The following MUC5AC variants were observed in gnomAD, a reference collection of about 807,000 sequenced individuals.
MUC5AC encodes mucin-5AC.
Under a neutral mutation model 169.7 loss-of-function variants are expected in MUC5AC, and 158 were observed. The observed-to-expected ratio is 0.93, with a 90% CI of 0.82 to 1.06. The LOEUF (loss-of-function observed/expected upper bound fraction) is 1.06. Ranked by LOEUF, MUC5AC falls within the 50% of genes least tolerant of loss-of-function variation. The probability of loss-of-function intolerance (pLI) is 0.00; values close to 1 mark genes in which losing one functional copy is unlikely to be tolerated. For missense variants in MUC5AC, 4,359 were observed against 3,089.9 expected (o/e 1.41, Z -9.74); for synonymous variants, 1,975 against 1,237.0 (o/e 1.60, Z -12.52).
At chr11:1,180,738 C>T (rs1860798202) in intron 28 of MUC5AC, among the ~76,000 whole-genome samples, 1 of 151,914 alleles carries the variant, frequency 6.6e-6, no homozygotes. Context: ...TGTAGGGCTC[C>T]TCTGGGCAGA....
Position 1,196,431 on chromosome 11 carries a change from G to T in MUC5AC, c.15681G>T (p.Pro5227=), listed in dbSNP as rs201555660. The change falls in exon 38 of 49, where the codon CCG becomes CCT. Residue 5227 remains proline, a synonymous_variant. Transcript: ENST00000621226. ...PADKVYQPCG[P]SNPSYCYGND... ...ACAAGGTGTACCAGCCCTGCGGCCC[G>T]AGCAACCCCTCCTACTGCTACGGGA... The T allele has an allele frequency of 1.3e-6, 1 of 765,012 alleles. No homozygotes were observed. Among genetic ancestry groups the T allele is most frequent in the Non-Finnish European group, 2.4e-6 (1 of 417,818 alleles). The allele number at this position is 765,012 out of a possible 1,614,324, so 47.4% of individuals were successfully genotyped here.
chr11:1,177,865 G>A lies in MUC5AC; in HGVS notation c.3087+232G>A, dbSNP rs954682277. Among the ~76,000 whole-genome samples the A allele has an allele frequency of 3.3e-5, 5 of 152,312 alleles. No individual in the cohort carries two copies. The South Asian group carries it at 1.0e-3, about 32-fold the overall frequency. On this transcript the variant is annotated intron_variant, in intron 24 of 48. Transcript: ENST00000621226. ...CAAAGGCCCGCACCCTGGCGGATTT[G>A]CCCGCAGCCTGGACACTGGAAGTCC... is the stretch of plus-strand genomic sequence containing the variant.
In MUC5AC at chr11:1,192,408, A is replaced by G. The variant is rs546617540; in HGVS notation, c.14263A>G (p.Met4755Val). The change falls in exon 31 of 49, where the codon ATG becomes GTG. Residue 4755 changes from methionine (M) to valine (V), a missense_variant. Met to Val is a conservative substitution (Grantham distance 21, BLOSUM62 1). Transcript: ENST00000621226. ...NALYPSLSTSMVSASVASTSV... is the reference protein window; with the variant it reads ...NALYPSLSTSVVSASVASTSV... Reference sequence around the variant, plus strand: ...TCTGTATCCTTCCCTGTCTACTTCCATGGTATCCGCCTCCGTGGCATCCAC... The same window carrying G: ...TCTGTATCCTTCCCTGTCTACTTCCGTGGTATCCGCCTCCGTGGCATCCAC... The G allele has an allele frequency of 5.1e-5, 39 of 764,910 alleles. 1 individual carries two copies. Among genetic ancestry groups the G allele is most frequent in the South Asian group, 1.6e-4 (12 of 74,628 alleles). 47.4% of individuals were successfully genotyped at this position (764,910 alleles called of 1,614,324 possible).
chr11:1,164,955 G>C (rs796774894), intron 9 of MUC5AC, among the ~76,000 whole-genome samples: 202 of 79,958 alleles, frequency 2.5e-3, no homozygotes, highest in African/African-American at 7.3e-3. Context: ...TGATGCCCCT[G>C]TCCCGGGCCC....
intron 40 of MUC5AC, among the ~76,000 whole-genome samples, chr11:1,197,143 C>T (rs1203790767): frequency 6.6e-6 from 1 of 152,184 alleles, no homozygotes; most frequent in African/African-American, 2.4e-5. Context: ...GGCGTCTGTC[C>T]TGGTGTTGCT....
intron 16 of MUC5AC, among the ~76,000 whole-genome samples, chr11:1,173,214 T>C (rs1860590891): frequency 6.6e-6 from 1 of 151,586 alleles, no homozygotes; most frequent in Non-Finnish European, 1.5e-5. Context: ...ATTTACTCAC[T>C]CATTCACGAA....
At chr11:1,162,709 C>T in intron 5 of MUC5AC, 63 bp downstream of exon 5, 1 of 1,482,240 alleles carries the variant, frequency 6.7e-7, no homozygotes, top group South Asian at 1.1e-5. Context: ...CCTGCTCCCA[C>T]AGCCTCTCCG....
rs542035868 is a variant in MUC5AC at position 1,158,180 on chromosome 11, T to G, written c.73+108T>G. The G allele has an allele frequency of 4.7e-5, 47 of 994,098 alleles. No homozygotes were observed. In the African/African-American group the frequency reaches 5.1e-4, roughly 11 times the overall value. 61.6% of individuals were successfully genotyped at this position (994,098 alleles called of 1,614,324 possible). ...GGTTCCGGGCAGGCTGCATGTGCCATGAACGGCTCCCAGCAGCATAGCCCC... is the reference window on the plus strand; with the variant it reads ...GGTTCCGGGCAGGCTGCATGTGCCAGGAACGGCTCCCAGCAGCATAGCCCC... On this transcript the variant is annotated intron_variant, in intron 1 of 48. Coordinates refer to ENST00000621226, the MANE Select transcript of MUC5AC (RefSeq NM_001304359.2).
In MUC5AC at chr11:1,188,246, C is replaced by A; in HGVS notation, c.10101C>A (p.Thr3367=). The A allele has an allele frequency of 1.5e-6, 1 of 666,234 alleles. No individual in the cohort carries two copies. Among genetic ancestry groups the A allele is most frequent in the Non-Finnish European group, 2.7e-6 (1 of 363,664 alleles). 41.3% of individuals were successfully genotyped at this position (666,234 alleles called of 1,614,324 possible). A position where few individuals can be genotyped will look rare whatever the true frequency, so the allele number is the denominator to read the frequency against. The change falls in exon 31 of 49, where the codon ACC becomes ACA. Residue 3367 remains threonine, a synonymous_variant. Transcript: ENST00000621226. ...CCACTTTGGTGACAACCAGCACAACCTCCACTCCACAGACCAGCACAACCT... is the reference window on the plus strand; with the variant it reads ...CCACTTTGGTGACAACCAGCACAACATCCACTCCACAGACCAGCACAACCT... ...RTTTLVTTST[T]STPQTSTTSA...
chr11:1,163,020 C>A lies in MUC5AC; in HGVS notation c.654C>A (p.Pro218=), dbSNP rs760195607. ...CGLCGDFNGM[P]VVSELLSHNT... is the part of the protein sequence containing the mutation. ...TCTGTGGGGACTTCAACGGGATGCCCGTGGTCAGCGAGCTCCTCTCCCACA... is the reference window on the plus strand; with the variant it reads ...TCTGTGGGGACTTCAACGGGATGCCAGTGGTCAGCGAGCTCCTCTCCCACA... The change falls in exon 6 of 49, where the codon CCC becomes CCA. Residue 218 remains proline (P), a synonymous_variant. Coordinates refer to ENST00000621226, the MANE Select transcript of MUC5AC (RefSeq NM_001304359.2). 1.2e-6 allele frequency: 2 copies of A among 1,612,540 alleles called. No homozygotes were observed. The highest frequency in any genetic ancestry group is 2.7e-5 in the African/African-American group (2 of 74,918).
rs762779205 is a variant in MUC5AC at position 1,162,588 on chromosome 11, C to T, written c.530C>T (p.Thr177Ile). ...GVLIQQSSSY[T>I]KVEARLGLVL... ...CTCATTCAGCAGAGCAGCAGCTACA[C>T]CAAGGTGGAGGCCAGGCTGGGCCTT... Residue 177 changes from threonine to isoleucine, a missense_variant, in exon 5 of 49, where the codon ACC becomes ATC. Thr to Ile is a moderately conservative substitution (Grantham distance 89). Coordinates refer to ENST00000621226, the MANE Select transcript of MUC5AC (RefSeq NM_001304359.2). The T allele has an allele frequency of 6.2e-7, 1 of 1,612,780 alleles. No individual in the cohort carries two copies. Among genetic ancestry groups the T allele is most frequent in the South Asian group, 1.1e-5 (1 of 91,076 alleles).
chr11:1,179,256 C>A lies in MUC5AC; in HGVS notation c.3484+8C>A. 1.8e-6 allele frequency: 1 copy of A among 554,082 alleles called. No individual in the cohort carries two copies. Among genetic ancestry groups the A allele is most frequent in the Non-Finnish European group, 3.3e-6 (1 of 305,228 alleles). 34.3% of individuals were successfully genotyped at this position (554,082 alleles called of 1,614,324 possible). On this transcript the variant is annotated splice_region_variant and intron_variant, in intron 26 of 48. Transcript: ENST00000621226. ...GGACCCCGAGCATCTGCCGTGAGTG[C>A]GAGTGGGCACCTGGGGAAGAACAGG...
Position 1,194,504 on chromosome 11 carries a change from G to C in MUC5AC, c.15024G>C (p.Lys5008Asn). 1 of 760,444 alleles carries C rather than the reference G, an allele frequency of 1.3e-6. No homozygotes were observed. Among genetic ancestry groups the C allele is most frequent in the East Asian group, 2.4e-5 (1 of 41,072 alleles). The allele number at this position is 760,444 out of a possible 1,614,324, so 47.1% of individuals were successfully genotyped here. Residue 5008 changes from lysine to asparagine, a missense_variant, in exon 35 of 49, where the codon AAG becomes AAC. Physicochemically the swap from Lys to Asn is moderately conservative, Grantham distance 94. Coordinates refer to ENST00000621226, the MANE Select transcript of MUC5AC (RefSeq NM_001304359.2). ...GCGTCCAGATCATCTTCAACAACAA[G>C]GTGGTCAGCCCCGGCTTCCGGAAAA... ...VMTNEIIFNN[K>N]VVSPGFRKNG...
At chr11:1,180,550 C>T (rs1179137198) in intron 28 of MUC5AC, 34 bp downstream of exon 28, 2 of 398,714 alleles carry the variant, frequency 5.0e-6, no homozygotes, top group Admixed American at 4.4e-5. Flanking sequence ...ATGGAGCCTG[C>T]AGCATGCAGG....
chr11:1,195,984 G>A lies in MUC5AC; in HGVS notation c.15567G>A (p.Glu5189=). The A allele has an allele frequency of 1.3e-6, 1 of 765,000 alleles. No individual in the cohort carries two copies. Among genetic ancestry groups the A allele is most frequent in the Non-Finnish European group, 2.4e-6 (1 of 417,818 alleles). The allele number at this position is 765,000 out of a possible 1,614,324, so 47.4% of individuals were successfully genotyped here. A position where few individuals can be genotyped will look rare whatever the true frequency, so the allele number is the denominator to read the frequency against. ...TGGATGTGGTGTGCTCCAGCCTGGAGCTGTACGCGGCACTCTGTGCGTCCC... is the reference window on the plus strand; with the variant it reads ...TGGATGTGGTGTGCTCCAGCCTGGAACTGTACGCGGCACTCTGTGCGTCCC... ...TDLDVVCSSL[E]LYAALCASHD... Residue 5189 remains glutamate, a synonymous_variant, in exon 37 of 49, where the codon GAG becomes GAA. Transcript: ENST00000621226.
At position 1,194,282 on chromosome 11, in the gene MUC5AC, G is replaced by T. The variant is rs377577320; in HGVS notation, c.14928G>T (p.Pro4976=). 5.3e-6 allele frequency: 4 copies of T among 761,596 alleles called. No homozygotes were observed. The African/African-American group carries it at 6.8e-5, about 13-fold the overall frequency. The allele number at this position is 761,596 out of a possible 1,614,324, so 47.2% of individuals were successfully genotyped here. A position where few individuals can be genotyped will look rare whatever the true frequency, so the allele number is the denominator to read the frequency against. The change falls in exon 34 of 49, where the codon CCG becomes CCT. Residue 4976 remains proline (P), a synonymous_variant. Coordinates refer to ENST00000621226, the MANE Select transcript of MUC5AC (RefSeq NM_001304359.2). ...GTGCGGAGGACGGGCTCTCCTGCCCGAGGTCCATCATCCTGGAGTACCACC... is the reference window on the plus strand; with the variant it reads ...GTGCGGAGGACGGGCTCTCCTGCCCTAGGTCCATCATCCTGGAGTACCACC... The part of the protein sequence containing the change: ...FCGAEDGLSC[P]RSIILEYHQD...
At position 1,162,074 on chromosome 11, in the gene MUC5AC, G is replaced by A. The variant is rs1402283796; in HGVS notation, c.379G>A (p.Glu127Lys). The A allele has an allele frequency of 1.7e-5, 27 of 1,612,454 alleles. No homozygotes were observed. Among genetic ancestry groups the A allele is most frequent in the Non-Finnish European group, 2.2e-5 (26 of 1,179,786 alleles). ...DFNIQLRRSQ[E>K]SAAPTLSRVL... ...TAACATCCAGCTACGCCGCAGCCAG[G>A]AGTCAGCGGCCCCCACGCTGAGCAG... is the stretch of plus-strand genomic sequence containing the variant. The change falls in exon 4 of 49, where the codon GAG becomes AAG. Residue 127 changes from glutamate (E) to lysine (K), a missense_variant. By Grantham distance (56) the Glu-to-Lys change is moderately conservative (BLOSUM62 1). Coordinates refer to ENST00000621226, the MANE Select transcript of MUC5AC (RefSeq NM_001304359.2).
At position 1,169,105 on chromosome 11, in the gene MUC5AC, G is replaced by T. The variant is rs1029721698; in HGVS notation, c.1870+79G>T. Reference sequence around the variant, plus strand: ...GCTTCCATTTGGCACTGCAGGCAGCGAGGCCGGCCCTGCGTGTGCCTGTGA... The same window carrying T: ...GCTTCCATTTGGCACTGCAGGCAGCTAGGCCGGCCCTGCGTGTGCCTGTGA... On this transcript the variant is annotated intron_variant, in intron 15 of 48. Coordinates refer to ENST00000621226, the MANE Select transcript of MUC5AC (RefSeq NM_001304359.2). The T allele has an allele frequency of 1.2e-5, 18 of 1,461,900 alleles. No homozygotes were observed. In the African/African-American group the frequency reaches 2.3e-4, roughly 18 times the overall value. The allele number at this position is 1,461,900 out of a possible 1,614,324, so 90.6% of individuals were successfully genotyped here.
intron 9 of MUC5AC, among the ~76,000 whole-genome samples, chr11:1,165,082 C>T (rs1860279207): frequency 6.9e-6 from 1 of 145,908 alleles, no homozygotes; most frequent in Non-Finnish European, 1.5e-5. Context: ...GCTGAGGCCC[C>T]TGTCCTGGCC....
Sources: allele counts gnomAD v4.1 joint callset (sites outside exome capture counted in the v4.1 genomes callset), GRCh38; gene constraint gnomAD v4.1.1; transcripts MANE v1.5; gene names NCBI Gene and HGNC (gene_info 2026-07-23, HGNC 2026-07-21).